PRKG1: variants seen among roughly 807,000 people sequenced by gnomAD.
PRKG1 encodes the protein protein kinase cGMP-dependent 1, also known as cGMP-dependent protein kinase 1.
PRKG1 carries 35 observed loss-of-function variants against 88.1 expected under a neutral mutation model. The observed-to-expected ratio is 0.40, with a 90% CI of 0.30 to 0.53. The LOEUF is 0.53. Among genes scored for constraint, PRKG1 ranks in the 20% least tolerant of loss-of-function variants. PRKG1 has a pLI of 0.59. For synonymous variants in PRKG1, 303 were observed against 292.5 expected, an observed-to-expected ratio of 1.04 and a Z score of -0.37; for missense variants, 540 against 839.8, an observed-to-expected ratio of 0.64 and a Z score of 4.41.
intron 9 of PRKG1, among the ~76,000 whole-genome samples, chr10:52,228,052 C>T (rs889822018): frequency 6.6e-6 from 1 of 152,046 alleles, no homozygotes; most frequent in Non-Finnish European, 1.5e-5. Flanking sequence ...GCAGGTGATA[C>T]ATAATTTCTC....
At chr10:51,652,190 T>C (rs1367490229) in intron 3 of PRKG1, among the ~76,000 whole-genome samples, 1 of 152,140 alleles carries the variant, frequency 6.6e-6, no homozygotes, top group African/African-American at 2.4e-5. Flanking sequence ...CTATTATATA[T>C]ATTATACTAT....
chr10:51,133,769 AT>A (rs1845627126), intron 1 of PRKG1, among the ~76,000 whole-genome samples: 1 of 152,248 alleles, frequency 6.6e-6, no homozygotes, highest in African/African-American at 2.4e-5. Flanking sequence ...CTCGTGAATT[AT>A]GATGAACACT....
At chr10:51,468,657 C>T (rs983027827) in intron 3 of PRKG1, among the ~76,000 whole-genome samples, 12 of 151,750 alleles carry the variant, frequency 7.9e-5, no homozygotes, top group African/African-American at 2.7e-4. Context: ...GTCCTTCTGA[C>T]ACATTTTCCT....
intron 1 of PRKG1, among the ~76,000 whole-genome samples, chr10:51,067,066 C>A (rs1843759592): frequency 6.6e-6 from 1 of 151,890 alleles, no homozygotes; most frequent in East Asian, 1.9e-4. Flanking sequence ...GAAAGAATCA[C>A]CACTTAAAAG....
At chr10:51,579,777 C>A (rs1837983332) in intron 3 of PRKG1, among the ~76,000 whole-genome samples, 1 of 151,910 alleles carries the variant, frequency 6.6e-6, no homozygotes, top group African/African-American at 2.4e-5. Context: ...TAAAGTTCTC[C>A]TATGACTATT....
intron 3 of PRKG1, among the ~76,000 whole-genome samples, chr10:51,669,927 T>C (rs1840516145): frequency 2.0e-5 from 3 of 152,192 alleles, no homozygotes; most frequent in Non-Finnish European, 1.5e-5. Flanking sequence ...CTTATACATA[T>C]TTTCCTTACT....
chr10:51,814,366 T>C (rs1839531268), intron 4 of PRKG1, among the ~76,000 whole-genome samples: 1 of 152,204 alleles, frequency 6.6e-6, no homozygotes, highest in African/African-American at 2.4e-5. Context: ...ATATTTTTCT[T>C]CTATCATTTA....
chr10:51,479,322 A>G (rs1471794754), intron 3 of PRKG1, among the ~76,000 whole-genome samples: 2 of 152,174 alleles, frequency 1.3e-5, no homozygotes, highest in East Asian at 3.9e-4. Context: ...CACTCCCATA[A>G]AAGAATACTT....
intron 2 of PRKG1, among the ~76,000 whole-genome samples, chr10:51,435,409 CA>C (rs919255382): frequency 2.3e-5 from 3 of 131,270 alleles, no homozygotes; most frequent in African/African-American, 9.6e-5. Flanking sequence ...CCAGGGACAC[CA>C]AGGGACATTA....
At chr10:51,598,298 G>C (rs1042103867) in intron 3 of PRKG1, among the ~76,000 whole-genome samples, 11 of 152,026 alleles carry the variant, frequency 7.2e-5, no homozygotes, top group Non-Finnish European at 2.9e-5. Context: ...CTTTGAGAGA[G>C]AGTCTTGCTC....
At position 51,391,560 on chromosome 10, in the gene PRKG1, C is replaced by G. The variant is rs572832092; in HGVS notation, c.479-76163C>G. Among the ~76,000 whole-genome samples the G allele has an allele frequency of 3.3e-4, 51 of 152,290 alleles. 1 individual carries two copies. In the South Asian group the frequency reaches 0.011, roughly 32 times the overall value. On this transcript the variant is annotated intron_variant, in intron 2 of 17. Transcript: ENST00000373980. The stretch of plus-strand genomic sequence containing the variant: ...GCTTACACATATTATCACTAAAGTA[C>G]ATTATCATTTTTCATCTGGTGGTAG...
At chr10:51,568,231 A>G (rs1837657600) in intron 3 of PRKG1, among the ~76,000 whole-genome samples, 1 of 152,178 alleles carries the variant, frequency 6.6e-6, no homozygotes, top group Non-Finnish European at 1.5e-5. Context: ...AAATAAGATG[A>G]CATTTTATTG....
chr10:52,134,736 G>T (rs1237913765), intron 8 of PRKG1, among the ~76,000 whole-genome samples: 1 of 152,092 alleles, frequency 6.6e-6, no homozygotes, highest in African/African-American at 2.4e-5. Context: ...AACCTGAGGA[G>T]CCAGGTATGA....
chr10:52,034,729 G>A (rs1247772494), intron 5 of PRKG1, among the ~76,000 whole-genome samples: 2 of 152,016 alleles, frequency 1.3e-5, no homozygotes, highest in African/African-American at 4.8e-5. Context: ...ATGAGTAGTT[G>A]AGAATGGTGA....
At chr10:52,081,564 T>C (rs1372203527) in intron 7 of PRKG1, 2 of 456,356 alleles carry the variant, frequency 4.4e-6, no homozygotes, top group East Asian at 6.9e-5. Context: ...TCATAATTCA[T>C]TCAATACTTA....
chr10:51,427,413 A>G (rs1324815975), intron 2 of PRKG1, among the ~76,000 whole-genome samples: 2 of 152,242 alleles, frequency 1.3e-5, no homozygotes, highest in African/African-American at 4.8e-5. Context: ...CAGCAAAGAC[A>G]ACATGAACCA....
intron 3 of PRKG1, among the ~76,000 whole-genome samples, chr10:51,571,950 G>A (rs1052602237): frequency 2.6e-5 from 4 of 151,862 alleles, no homozygotes; most frequent in Non-Finnish European, 5.9e-5. Flanking sequence ...ACGAAATATT[G>A]TGAGAGTGGA....
chr10:51,381,040 G>A (rs1220162451), intron 2 of PRKG1, among the ~76,000 whole-genome samples: 1 of 151,626 alleles, frequency 6.6e-6, no homozygotes, highest in East Asian at 1.9e-4. Context: ...ACGGGTAAAT[G>A]TGTGTTTTTT....
chr10:51,554,742 G>C (rs1282991630), intron 3 of PRKG1, among the ~76,000 whole-genome samples: 2 of 151,688 alleles, frequency 1.3e-5, no homozygotes, highest in Non-Finnish European at 2.9e-5. Flanking sequence ...GGTGCCCAGG[G>C]CTGTCCTTGG....
Sources: allele counts gnomAD v4.1 joint callset (sites outside exome capture counted in the v4.1 genomes callset), GRCh38; gene constraint gnomAD v4.1.1; transcripts MANE v1.5; gene names NCBI Gene and HGNC (gene_info 2026-07-23, HGNC 2026-07-21).